The following GATAD2A variants were observed in gnomAD, a reference collection of about 807,000 sequenced individuals.
GATAD2A encodes the protein transcriptional repressor p66-alpha.
A neutral mutation model predicts 68.5 loss-of-function variants in GATAD2A; 12 were observed. The ratio of observed to expected loss-of-function variants is 0.18; its 90% CI spans 0.11 to 0.28. The LOEUF is 0.28. GATAD2A is among the 10% of genes least tolerant of loss of function. The pLI, the probability that GATAD2A is intolerant of heterozygous loss-of-function variation, is 1.00. For synonymous variants in GATAD2A, 410 were observed against 375.3 expected, an observed-to-expected ratio of 1.09 and a Z score of -1.07; for missense variants, 755 against 868.5, an observed-to-expected ratio of 0.87 and a Z score of 1.64.
At chr19:19,466,317 A>G (rs2057861133) in intron 2 of GATAD2A, among the ~76,000 whole-genome samples, 2 of 152,206 alleles carry the variant, frequency 1.3e-5, no homozygotes, top group South Asian at 2.1e-4. Context: ...CTGCTCTTGC[A>G]TCACCCCTCC....
intron 1 of GATAD2A, among the ~76,000 whole-genome samples, chr19:19,443,731 GA>G (rs1230893144): frequency 5.3e-5 from 8 of 152,126 alleles, no homozygotes; most frequent in Admixed American, 5.2e-4. Context: ...AGAAAAGTGT[GA>G]AAATTGGGTT....
chr19:19,417,478 G>C (rs2051796853), intron 1 of GATAD2A, among the ~76,000 whole-genome samples: 2 of 152,086 alleles, frequency 1.3e-5, no homozygotes, highest in Admixed American at 1.3e-4. Context: ...CTGTGGAGAA[G>C]GGGTTCCTCT....
At chr19:19,476,060 T>G (rs559962302) in intron 2 of GATAD2A, among the ~76,000 whole-genome samples, 13 of 152,274 alleles carry the variant, frequency 8.5e-5, no homozygotes, top group Admixed American at 7.8e-4. Flanking sequence ...TTAGACGCCC[T>G]CCTCTGGTCA....
chr19:19,457,446 A>G (rs1321891640), intron 1 of GATAD2A, among the ~76,000 whole-genome samples: 4 of 152,042 alleles, frequency 2.6e-5, no homozygotes, highest in African/African-American at 9.7e-5. Flanking sequence ...AGCAGTGTAA[A>G]CATGATTAAC....
intron 1 of GATAD2A, among the ~76,000 whole-genome samples, chr19:19,441,432 A>G (rs1260181559): frequency 2.0e-5 from 3 of 152,156 alleles, no homozygotes; most frequent in Middle Eastern, 3.2e-3. Context: ...TCTGCCACCT[A>G]GGCTGGAGTG....
Position 19,501,894 on chromosome 19 carries a change from G to A in GATAD2A, c.1504-75G>A, listed in dbSNP as rs560651788. On this transcript the variant is annotated intron_variant, in intron 9 of 11. Transcript: ENST00000683918. ...AGTCCCCAGGGGACGGGCCTGTCCT[G>A]TGGGGCTCACCCTCGGTCACCCTGG... is the stretch of plus-strand genomic sequence containing the variant. The A allele has an allele frequency of 4.5e-5, 53 of 1,169,424 alleles. No homozygotes were observed. In the East Asian group the frequency reaches 1.2e-3, roughly 26 times the overall value. 72.4% of individuals were successfully genotyped at this position (1,169,424 alleles called of 1,614,324 possible).
intron 1 of GATAD2A, among the ~76,000 whole-genome samples, chr19:19,412,056 T>C (rs999563310): frequency 6.6e-6 from 1 of 150,962 alleles, no homozygotes; most frequent in African/African-American, 2.5e-5. Flanking sequence ...CTGGGCAATG[T>C]AGCAATCCCC....
intron 1 of GATAD2A, among the ~76,000 whole-genome samples, chr19:19,444,180 A>G (rs1306544953): frequency 1.3e-5 from 2 of 152,104 alleles, no homozygotes; most frequent in Admixed American, 6.6e-5. Context: ...CTACCACTCC[A>G]GTACCCTGAC....
upstream of GATAD2A, among the ~76,000 whole-genome samples, chr19:19,404,809 G>C (rs553175752): frequency 2.6e-5 from 4 of 152,316 alleles, no homozygotes; most frequent in East Asian, 7.7e-4. Flanking sequence ...CACTCTTCAG[G>C]AGTCTAGGTG....
At position 19,496,034 on chromosome 19, in the gene GATAD2A, C is replaced by G. The variant is rs2060128957; in HGVS notation, c.757-18C>G. 3.7e-6 allele frequency: 6 copies of G among 1,611,062 alleles called. No individual in the cohort carries two copies. The highest frequency in any genetic ancestry group is 5.1e-6 in the Non-Finnish European group (6 of 1,177,656). On this transcript the variant is annotated intron_variant, in intron 6 of 11. Transcript: ENST00000683918. The stretch of plus-strand genomic sequence containing the variant: ...GATCTCAGTCAGATTTCTTGTTCTC[C>G]CCACCCTACCCCAACAGCAAATCCA...
rs144569185 is a variant in GATAD2A, at chr19:19,447,867, G to A, written c.-6-17473G>A. The stretch of plus-strand genomic sequence containing the variant: ...CTTTCCACTTGACATTTCCTTCCAG[G>A]AACTGAGAAGGCTTTTCTGGCCCTT... On this transcript the variant is annotated intron_variant, in intron 1 of 11. Transcript: ENST00000683918. Among the ~76,000 whole-genome samples, 803 of 152,306 alleles carry A rather than the reference G, an allele frequency of 5.3e-3. 6 individuals carry two copies. Among genetic ancestry groups the A allele is most frequent in the South Asian group, 0.041 (198 of 4,832 alleles).
chr19:19,427,304 A>G (rs747090992), intron 1 of GATAD2A, among the ~76,000 whole-genome samples: 58 of 152,180 alleles, frequency 3.8e-4, no homozygotes, highest in Non-Finnish European at 1.5e-4. Flanking sequence ...TTTTACCACA[A>G]TAAAAAAATG....
chr19:19,496,297 G>T (rs1367780679), intron 7 of GATAD2A, 78 bp downstream of exon 7: 1 of 1,308,904 alleles, frequency 7.6e-7, no homozygotes, highest in Non-Finnish European at 1.1e-6. Flanking sequence ...AGGTTCTGGG[G>T]CACAGTAGTG....
intron 1 of GATAD2A, among the ~76,000 whole-genome samples, chr19:19,444,185 C>T (rs1414157687): frequency 1.3e-5 from 2 of 152,126 alleles, no homozygotes; most frequent in African/African-American, 4.8e-5. Context: ...ACTCCAGTAC[C>T]CTGACTCTAT....
Position 19,413,725 on chromosome 19 carries a change from C to CA in GATAD2A, c.-7+7707dup, listed in dbSNP as rs774126034. 1.6e-4 allele frequency among the ~76,000 whole-genome samples: 25 copies of CA among 152,102 alleles called. 1 individual carries two copies. The highest frequency in any genetic ancestry group is 3.7e-4 in the Non-Finnish European group (25 of 68,024). On this transcript the variant is annotated intron_variant, in intron 1 of 11. Transcript: ENST00000683918. ...TCAGCCTCCCGAGTAGTTAGGATTA[C>CA]AGACACCCATAACTTTGCCTGGCTA...
chr19:19,449,348 A>AT (rs34027746), intron 1 of GATAD2A, among the ~76,000 whole-genome samples: 66,091 of 151,912 alleles, frequency 0.44, 15,755 homozygotes, highest in African/African-American at 0.63. Context: ...TGTGAGTTAC[A>AT]TTAGGAATTT....
intron 1 of GATAD2A, among the ~76,000 whole-genome samples, chr19:19,445,079 C>T (rs1298997625): frequency 6.6e-6 from 1 of 152,018 alleles, no homozygotes; most frequent in Non-Finnish European, 1.5e-5. Flanking sequence ...TACTCCCAGG[C>T]ATTGGATCTT....
At chr19:19,497,490 G>T (rs1039501922) in intron 7 of GATAD2A, among the ~76,000 whole-genome samples, 1 of 152,192 alleles carries the variant, frequency 6.6e-6, no homozygotes, top group Non-Finnish European at 1.5e-5. Flanking sequence ...TGCTCCTAGC[G>T]TGGCTGGGGG....
chr19:19,392,050 C>G (rs571022727), intron 1 of GATAD2A, among the ~76,000 whole-genome samples: 1 of 145,798 alleles, frequency 6.9e-6, no homozygotes, highest in Non-Finnish European at 1.5e-5. Context: ...TTTGTTTATA[C>G]TGGTGTGTCT....
Sources: allele counts gnomAD v4.1 joint callset (sites outside exome capture counted in the v4.1 genomes callset), GRCh38; gene constraint gnomAD v4.1.1; transcripts MANE v1.5; gene names NCBI Gene and HGNC (gene_info 2026-07-23, HGNC 2026-07-21).